GRID1: variants seen among roughly 807,000 people sequenced by gnomAD.
GRID1 encodes glutamate receptor ionotropic, delta-1.
Under a neutral mutation model 98.0 loss-of-function variants are expected in GRID1, and 28 were observed. That is an observed-to-expected ratio of 0.29 (90% CI 0.21 to 0.39). The LOEUF (loss-of-function observed/expected upper bound fraction) is 0.39, where lower values mean the gene tolerates loss of function less well. Among genes scored for constraint, GRID1 ranks in the 10% least tolerant of loss-of-function variants. The pLI is 1.00. For synonymous variants in GRID1, 553 were observed against 538.5 expected (o/e 1.03, Z -0.37); for missense variants, 1,111 against 1,340.5 (o/e 0.83, Z 2.67).
At chr10:85,910,703 G>A (rs79343913) in intron 5 of GRID1, among the ~76,000 whole-genome samples, 5,877 of 152,268 alleles carry the variant, frequency 0.039, 160 homozygotes, top group Middle Eastern at 0.092. Flanking sequence ...TTAACCCAGT[G>A]AGCTCTTCTG....
rs1265479891 is a variant in GRID1, at chr10:85,603,718, G to A, written c.2602-1017C>T. ...TGAGCTTCCCGGTGAGGTTGAGGCT[G>A]CAGGGACTTTGTAAGCAGCATGGGT... On this transcript the variant is annotated intron_variant, in intron 15 of 15. Transcript: ENST00000327946. 3.3e-5 allele frequency among the ~76,000 whole-genome samples: 5 copies of A among 152,204 alleles called. No homozygotes were observed. The East Asian group carries it at 9.7e-4, about 29-fold the overall frequency.
intron 4 of GRID1, among the ~76,000 whole-genome samples, chr10:86,010,902 C>T (rs17106153): frequency 0.33 from 49,836 of 151,236 alleles, 8,900 homozygotes; most frequent in South Asian, 0.49. Context: ...AAGAAATATG[C>T]GCAAAATTAG....
At chr10:86,346,767 G>A (rs1480469386) in intron 2 of GRID1, among the ~76,000 whole-genome samples, 3 of 152,182 alleles carry the variant, frequency 2.0e-5, no homozygotes, top group Non-Finnish European at 4.4e-5. Context: ...AAGGCTGCTG[G>A]CCCAGGACTC....
intron 2 of GRID1, among the ~76,000 whole-genome samples, chr10:86,303,214 T>C (rs902869915): frequency 6.6e-6 from 1 of 152,222 alleles, no homozygotes; most frequent in Non-Finnish European, 1.5e-5. Context: ...TACTTTGAAA[T>C]ATTTCAACAA....
intron 2 of GRID1, among the ~76,000 whole-genome samples, chr10:86,358,926 T>C (rs1039928307): frequency 7.2e-5 from 11 of 151,846 alleles, no homozygotes. Context: ...TGACCCGCCA[T>C]TGCTGGCCTT....
intron 2 of GRID1, among the ~76,000 whole-genome samples, chr10:86,268,879 T>G (rs1454645358): frequency 6.6e-6 from 1 of 152,064 alleles, no homozygotes; most frequent in African/African-American, 2.4e-5. Flanking sequence ...TAGTCCCAGC[T>G]ACTTGGGAGG....
chr10:86,148,167 C>G (rs1479555065), intron 3 of GRID1, among the ~76,000 whole-genome samples: 2 of 152,248 alleles, frequency 1.3e-5, no homozygotes, highest in Non-Finnish European at 2.9e-5. Context: ...TGTATTAAAA[C>G]TCCCATACTC....
In GRID1 at chr10:85,602,366, G is replaced by A. The variant is rs1454974835; in HGVS notation, c.2937C>T (p.Ser979=). 4 of 1,602,522 alleles carry A rather than the reference G, an allele frequency of 2.5e-6. No individual in the cohort carries two copies. The highest frequency in any genetic ancestry group is 3.4e-6 in the Non-Finnish European group (4 of 1,172,156). ...RSPNGGLFRQ[S]PVKTPIPMSF... is the part of the protein sequence containing the mutation. ...ACATGGGGATGGGGGTCTTCACCGGGCTCTGCCGGAACAGCCCCCCGTTGG... is the reference window on the plus strand; with the variant it reads ...ACATGGGGATGGGGGTCTTCACCGGACTCTGCCGGAACAGCCCCCCGTTGG... The change falls in exon 16 of 16, where the codon AGC becomes AGT. Residue 979 remains serine, a synonymous_variant. Transcript: ENST00000327946.
intron 4 of GRID1, among the ~76,000 whole-genome samples, chr10:85,940,482 G>A (rs1841985342): frequency 6.6e-6 from 1 of 152,088 alleles, no homozygotes; most frequent in Admixed American, 6.6e-5. Context: ...CAGATTCCAG[G>A]GTGCACACAC....
At chr10:85,749,600 C>G (rs1246639346) in intron 8 of GRID1, among the ~76,000 whole-genome samples, 2 of 152,144 alleles carry the variant, frequency 1.3e-5, no homozygotes, top group African/African-American at 4.8e-5. Flanking sequence ...AAATAAGATC[C>G]AAATTCCCAA....
chr10:86,338,981 G>C (rs888577919), intron 2 of GRID1, among the ~76,000 whole-genome samples: 4 of 152,138 alleles, frequency 2.6e-5, no homozygotes, highest in African/African-American at 2.4e-5. Flanking sequence ...TCAGTAAGTT[G>C]CTCAAGGTCA....
At chr10:86,185,344 C>T (rs1845713208) in intron 3 of GRID1, among the ~76,000 whole-genome samples, 1 of 152,132 alleles carries the variant, frequency 6.6e-6, no homozygotes, top group African/African-American at 2.4e-5. Flanking sequence ...TGTTGCTAAA[C>T]TCACTTGTTA....
intron 4 of GRID1, among the ~76,000 whole-genome samples, chr10:86,013,450 A>C (rs1004983078): frequency 3.3e-5 from 5 of 152,222 alleles, no homozygotes; most frequent in African/African-American, 1.2e-4. Flanking sequence ...TCATAAACTT[A>C]ATCAAGTGGT....
chr10:86,350,279 G>T (rs1484937049), intron 2 of GRID1, among the ~76,000 whole-genome samples: 1 of 152,226 alleles, frequency 6.6e-6, no homozygotes, highest in East Asian at 1.9e-4. Flanking sequence ...GTGCAATGGG[G>T]AGCCATTGAA....
chr10:86,228,229 A>T (rs1730078696), intron 2 of GRID1, among the ~76,000 whole-genome samples: 1 of 132,698 alleles, frequency 7.5e-6, no homozygotes, highest in African/African-American at 2.8e-5. Flanking sequence ...GGCCGGATGG[A>T]TGTGTACATG....
chr10:85,844,375 AG>A (rs1252289662), intron 8 of GRID1, among the ~76,000 whole-genome samples: 1 of 150,428 alleles, frequency 6.6e-6, no homozygotes, highest in Non-Finnish European at 1.5e-5. Flanking sequence ...TGGATGTGGT[AG>A]GGGATATATC....
At chr10:85,813,801 T>C (rs533096579) in intron 8 of GRID1, among the ~76,000 whole-genome samples, 3 of 151,928 alleles carry the variant, frequency 2.0e-5, no homozygotes, top group Admixed American at 1.3e-4. Flanking sequence ...ATCTGTTAGA[T>C]CTTTCAGTGT....
rs143767882 is a variant in GRID1 at position 86,238,204 on chromosome 10, C to T, written c.236-31556G>A. Among the ~76,000 whole-genome samples, 924 of 152,338 alleles carry T rather than the reference C, an allele frequency of 6.1e-3. 4 individuals carry two copies. The highest frequency in any genetic ancestry group is 0.02 in the Middle Eastern group (6 of 294). ...GATAGCCAAGATAATGGGGAAAATG[C>T]CTCAAAGGCATTTCAGAGACCTTTG... On this transcript the variant is annotated intron_variant, in intron 2 of 15. Coordinates refer to ENST00000327946, the MANE Select transcript of GRID1 (RefSeq NM_017551.3).
chr10:85,671,388 T>C (rs1257994356), intron 12 of GRID1, among the ~76,000 whole-genome samples: 1 of 152,076 alleles, frequency 6.6e-6, no homozygotes, highest in Non-Finnish European at 1.5e-5. Flanking sequence ...ATTATTACTA[T>C]TATTATTATT....
Sources: gnomAD v4.1 joint callset for allele counts (sites outside exome capture counted in the v4.1 genomes callset) on GRCh38, gnomAD v4.1.1 for gene constraint, MANE v1.5 for transcripts, NCBI Gene and HGNC (gene_info 2026-07-23, HGNC 2026-07-21) for gene names.